Variants in SH3D19 observed in about 807,000 individuals in gnomAD.
SH3D19 encodes SH3 domain containing 19.
In SH3D19, 58 loss-of-function variants were observed where a neutral mutation model predicts 112.1. The observed-to-expected ratio is 0.52, with a 90% CI of 0.42 to 0.64. The LOEUF (loss-of-function observed/expected upper bound fraction) is 0.64. Among genes scored for constraint, SH3D19 ranks in the 30% least tolerant of loss-of-function variants. SH3D19 has a pLI of 0.00. For missense variants in SH3D19, 1,090 were observed against 1,263.4 expected, an observed-to-expected ratio of 0.86 and a Z score of 2.08; for synonymous variants, 391 against 448.5, an observed-to-expected ratio of 0.87 and a Z score of 1.62.
chr4:151,282,966 C>A, intron 1 of SH3D19: 1 of 620,172 alleles, frequency 1.6e-6, no homozygotes, highest in Non-Finnish European at 2.8e-6. Flanking sequence ...TTTAAGTGTA[C>A]CAAAAGATCC....
At chr4:151,306,679 G>A (rs1362700918) in intron 1 of SH3D19, among the ~76,000 whole-genome samples, 1 of 152,210 alleles carries the variant, frequency 6.6e-6, no homozygotes, top group South Asian at 2.1e-4. Flanking sequence ...TGCTCAAGGA[G>A]CTATTGAAAG....
intron 2 of SH3D19, among the ~76,000 whole-genome samples, chr4:151,209,838 G>A (rs866337478): frequency 7.2e-5 from 11 of 152,240 alleles, no homozygotes; most frequent in Middle Eastern, 3.4e-3. Context: ...CAGAGGCTGT[G>A]GATTAGTACA....
chr4:151,147,509 T>C (rs1342585189), intron 11 of SH3D19, among the ~76,000 whole-genome samples: 1 of 152,218 alleles, frequency 6.6e-6, no homozygotes, highest in East Asian at 1.9e-4. Context: ...TTGCCCAGGC[T>C]GGAGTGCAGT....
rs554869095 is a variant in SH3D19 at position 151,247,814 on chromosome 4, AT to A, written c.113-21729del. Among the ~76,000 whole-genome samples, 28 of 152,342 alleles carry A rather than the reference AT, an allele frequency of 1.8e-4. No individual in the cohort carries two copies. In the East Asian group the frequency reaches 5.4e-3, roughly 29 times the overall value. On this transcript the variant is annotated intron_variant, in intron 1 of 19. Coordinates refer to ENST00000604030, the MANE Select transcript of SH3D19 (RefSeq NM_001378122.1). ...ATAATGTGACTATACTATATAAAAA[AT>A]ATTTAACTTTAAGAATTGAATGTGG...
chr4:151,317,229 A>C (rs886229870), intron 1 of SH3D19, among the ~76,000 whole-genome samples: 5 of 152,234 alleles, frequency 3.3e-5, no homozygotes, highest in Admixed American at 2.6e-4. Flanking sequence ...AACTTAGTAC[A>C]TGGGCAAACT....
chr4:151,213,666 G>GAATTAATT (rs148920486), intron 2 of SH3D19, among the ~76,000 whole-genome samples: 1 of 54,356 alleles, frequency 1.8e-5, no homozygotes, highest in African/African-American at 3.5e-5. Context: ...TTAATAATAT[G>GAATTAATT]AATTAATTAA....
chr4:151,318,007 T>G (rs1195207520), intron 1 of SH3D19, among the ~76,000 whole-genome samples: 18 of 118,460 alleles, frequency 1.5e-4, no homozygotes, highest in African/African-American at 4.6e-4. Context: ...AAAAAGAAAA[T>G]AAAAGATAGG....
intron 1 of SH3D19, among the ~76,000 whole-genome samples, chr4:151,283,944 C>T (rs939448281): frequency 1.3e-5 from 2 of 152,132 alleles, no homozygotes; most frequent in African/African-American, 2.4e-5. Context: ...CCATTATTTG[C>T]ATCGTCATTC....
intron 2 of SH3D19, among the ~76,000 whole-genome samples, chr4:151,224,296 G>A (rs1025127548): frequency 5.3e-5 from 8 of 151,942 alleles, no homozygotes; most frequent in Admixed American, 1.3e-4. Flanking sequence ...GAAACAGGGC[G>A]AGACTCCATC....
At chr4:151,198,317 A>ATAT (rs113022203) in intron 2 of SH3D19, among the ~76,000 whole-genome samples, 16 of 139,426 alleles carry the variant, frequency 1.1e-4, no homozygotes, top group Admixed American at 3.1e-4. Context: ...AAAAAAAAAA[A>ATAT]ATATATATAT....
At chr4:151,166,743 G>GT (rs1187872432) in intron 7 of SH3D19, among the ~76,000 whole-genome samples, 10 of 152,224 alleles carry the variant, frequency 6.6e-5, no homozygotes, top group African/African-American at 2.2e-4. Context: ...AATTCTGCCT[G>GT]TTATGAGGTG....
Position 151,133,147 on chromosome 4 carries a change from T to C in SH3D19, c.2576A>G (p.Glu859Gly). ...TCTGGCCCATTCCTCATTCACATAC[T>C]CTTTAAGAATAATAATTTCTCCCTC... is the stretch of plus-strand genomic sequence containing the variant. ...FSEGEIIILK[E>G]YVNEEWARGE... is the part of the protein sequence containing the mutation. The change falls in exon 16 of 20, where the codon GAG becomes GGG. Residue 859 changes from glutamate (E) to glycine (G), a missense_variant. Glu to Gly is a moderately conservative substitution (Grantham distance 98). Transcript: ENST00000604030. 1 of 1,614,136 alleles carries C rather than the reference T, an allele frequency of 6.2e-7. No individual in the cohort carries two copies. The highest frequency in any genetic ancestry group is 1.1e-5 in the South Asian group (1 of 91,078).
intron 1 of SH3D19, chr4:151,277,238 T>A (rs760066712): frequency 6.7e-7 from 1 of 1,492,030 alleles, no homozygotes. Context: ...AGCGCCAGGG[T>A]GGGGTTGAGA....
chr4:151,196,429 A>T (rs1264799682), intron 2 of SH3D19, among the ~76,000 whole-genome samples: 1 of 152,178 alleles, frequency 6.6e-6, no homozygotes, highest in African/African-American at 2.4e-5. Context: ...ACCCTGTCTC[A>T]AAAACAAACA....
At chr4:151,260,917 C>T (rs1772329257) in intron 1 of SH3D19, among the ~76,000 whole-genome samples, 1 of 152,184 alleles carries the variant, frequency 6.6e-6, no homozygotes, top group African/African-American at 2.4e-5. Flanking sequence ...TCCTGACCAT[C>T]CAATAAAGAC....
intron 1 of SH3D19, among the ~76,000 whole-genome samples, chr4:151,251,189 C>CTTTTTTTTCTTTTTTTTTTT (rs5862953): frequency 6.8e-6 from 1 of 146,196 alleles, no homozygotes; most frequent in Non-Finnish European, 1.5e-5. Flanking sequence ...CTTTCTTTTT[C>CTTTTTTTTCTTTTTTTTTTT]TTTTTTTCCT....
intron 3 of SH3D19, among the ~76,000 whole-genome samples, chr4:151,181,302 G>C (rs553922448): frequency 4.6e-5 from 7 of 152,092 alleles, no homozygotes; most frequent in Non-Finnish European, 1.5e-5. Flanking sequence ...TCTGAACAAG[G>C]AGGCTGTCAA....
chr4:151,245,277 T>C (rs1167137283), intron 1 of SH3D19, among the ~76,000 whole-genome samples: 1 of 152,172 alleles, frequency 6.6e-6, no homozygotes, highest in Non-Finnish European at 1.5e-5. Flanking sequence ...AATTAAGTAG[T>C]GTAACTAACT....
intron 1 of SH3D19, among the ~76,000 whole-genome samples, chr4:151,287,984 T>A (rs1381543572): frequency 6.6e-6 from 1 of 152,126 alleles, no homozygotes; most frequent in African/African-American, 2.4e-5. Flanking sequence ...AATCAATCAA[T>A]GTTAATATAC....
Sources: gnomAD v4.1 joint callset for allele counts (sites outside exome capture counted in the v4.1 genomes callset) on GRCh38, gnomAD v4.1.1 for gene constraint, MANE v1.5 for transcripts, NCBI Gene and HGNC (gene_info 2026-07-23, HGNC 2026-07-21) for gene names.